FABP6: variants seen among roughly 807,000 people sequenced by gnomAD.
The protein encoded by FABP6 is gastrotropin.
In FABP6, 13 loss-of-function variants were observed where a neutral mutation model predicts 14.9. The observed-to-expected ratio is 0.87, with a 90% confidence interval of 0.57 to 1.39. The LOEUF (loss-of-function observed/expected upper bound fraction) is 1.39. Ranked by LOEUF, FABP6 falls within the 40% of genes most tolerant of loss-of-function variation. FABP6 has a pLI of 0.00. For missense variants in FABP6, 161 were observed against 167.2 expected (o/e 0.96, Z 0.20); for synonymous variants, 75 against 63.6 (o/e 1.18, Z -0.85).
upstream of FABP6, among the ~76,000 whole-genome samples, chr5:160,224,806 CT>C (rs1206335179): frequency 7.5e-6 from 1 of 134,100 alleles, no homozygotes; most frequent in Non-Finnish European, 1.6e-5. Context: ...TTGAGACAGT[CT>C]TACTCTGTCC....
At chr5:160,197,726 A>G (rs578154231) in intron 1 of FABP6, 2 of 152,300 alleles carry the variant, frequency 1.3e-5, no homozygotes, top group East Asian at 1.9e-4. Flanking sequence ...TCCCAGGAAG[A>G]CAAAGTGGCC....
Position 160,236,280 on chromosome 5 carries a change from T to A in FABP6, c.333+1371T>A, listed in dbSNP as rs193067763. On this transcript the variant is annotated intron_variant, in intron 3 of 3. Transcript: ENST00000402432. ...ATCTGCCCACCCTGGTCTCCCAAAGTGCTGGGATTACAGGTGTGAGCCACT... is the reference window on the plus strand; with the variant it reads ...ATCTGCCCACCCTGGTCTCCCAAAGAGCTGGGATTACAGGTGTGAGCCACT... Among the ~76,000 whole-genome samples the A allele has an allele frequency of 6.1e-4, 93 of 152,232 alleles. No homozygotes were observed. The Middle Eastern group carries it at 0.01, about 17-fold the overall frequency.
intron 1 of FABP6, among the ~76,000 whole-genome samples, chr5:160,230,642 G>A (rs747425732): frequency 5.3e-5 from 8 of 152,098 alleles, no homozygotes; most frequent in Non-Finnish European, 8.8e-5. Flanking sequence ...GATTACAGAC[G>A]TGAGCCACCG....
At chr5:160,227,538 A>AG (rs1760275504), upstream of FABP6, among the ~76,000 whole-genome samples, 1 of 150,142 alleles carries the variant, frequency 6.7e-6, no homozygotes, top group African/African-American at 2.5e-5. Context: ...AAAAAAAAAA[A>AG]AAAAAGGCAT....
chr5:160,227,468 G>A (rs1466093097), upstream of FABP6, among the ~76,000 whole-genome samples: 5 of 147,334 alleles, frequency 3.4e-5, no homozygotes, highest in East Asian at 2.0e-4. Flanking sequence ...GGAGGTTGCC[G>A]TGAGCCAAGA....
At chr5:160,228,438 T>A (rs772153225), upstream of FABP6, 2 of 456,184 alleles carry the variant, frequency 4.4e-6, no homozygotes, top group South Asian at 3.1e-5. Flanking sequence ...TGCAGAGTGT[T>A]TTATACTTTG....
At chr5:160,210,647 AC>A (rs781329659) in intron 2 of FABP6, among the ~76,000 whole-genome samples, 8 of 152,208 alleles carry the variant, frequency 5.3e-5, no homozygotes, top group African/African-American at 1.9e-4. Context: ...AGAGCAGTGC[AC>A]CCCAGGGAGA....
chr5:160,224,840 T>C (rs1399288208), upstream of FABP6, among the ~76,000 whole-genome samples: 1 of 151,534 alleles, frequency 6.6e-6, no homozygotes, highest in African/African-American at 2.4e-5. Flanking sequence ...TGCAGTGGCA[T>C]GATCTCGGCT....
upstream of FABP6, among the ~76,000 whole-genome samples, chr5:160,228,109 T>C (rs11746179): frequency 0.6 from 91,362 of 151,672 alleles, 27,736 homozygotes; most frequent in African/African-American, 0.67. Flanking sequence ...TAATAATAAT[T>C]GGCCGGGTGT....
chr5:160,209,099 A>T (rs1277574110), intron 2 of FABP6, among the ~76,000 whole-genome samples: 1 of 152,110 alleles, frequency 6.6e-6, no homozygotes, highest in Non-Finnish European at 1.5e-5. Flanking sequence ...TCTAAAAAAA[A>T]AAGAATTAGT....
At chr5:160,228,635 T>A (rs1760302790), upstream of FABP6, 34 of 434,382 alleles carry the variant, frequency 7.8e-5, no homozygotes, top group South Asian at 5.5e-4. Context: ...TCATCCAGCA[T>A]CCAGCCCAGT....
upstream of FABP6, among the ~76,000 whole-genome samples, chr5:160,229,187 C>T (rs4455597): frequency 0.92 from 139,686 of 152,210 alleles, 64,204 homozygotes; most frequent in East Asian, 1. Context: ...AGTGCTTTGG[C>T]TGCAGAGTTA....
chr5:160,225,429 T>C (rs1392850168), upstream of FABP6, among the ~76,000 whole-genome samples: 2 of 135,724 alleles, frequency 1.5e-5, no homozygotes, highest in African/African-American at 5.7e-5. Flanking sequence ...TGAGGCAGAG[T>C]CTCGCTCTGT....
At chr5:160,200,416 A>T (rs1173048360) in intron 2 of FABP6, among the ~76,000 whole-genome samples, 4 of 143,750 alleles carry the variant, frequency 2.8e-5, no homozygotes, top group Non-Finnish European at 6.0e-5. Context: ...TTTTTTTTCT[A>T]TTTTTTTTTT....
At chr5:160,204,873 G>C (rs1205172452) in intron 2 of FABP6, 1 of 152,174 alleles carries the variant, frequency 6.6e-6, no homozygotes, top group African/African-American at 2.4e-5. Flanking sequence ...AAGGTAGGAA[G>C]CCTCACCCTG....
chr5:160,196,158 C>T (rs577516701), intron 1 of FABP6, among the ~76,000 whole-genome samples: 2 of 152,350 alleles, frequency 1.3e-5, no homozygotes, highest in East Asian at 3.9e-4. Flanking sequence ...CACCAAGATG[C>T]CAGGTGGCTT....
At chr5:160,218,247 A>G (rs1422962393) in intron 3 of FABP6, among the ~76,000 whole-genome samples, 1 of 152,032 alleles carries the variant, frequency 6.6e-6, no homozygotes, top group Admixed American at 6.6e-5. Flanking sequence ...AACATTAGTA[A>G]CATCCCCTTC....
intron 2 of FABP6, among the ~76,000 whole-genome samples, chr5:160,234,449 CAG>C (rs1003144011): frequency 2.7e-5 from 3 of 110,444 alleles, no homozygotes; most frequent in Middle Eastern, 8.8e-3. Flanking sequence ...TTTTTTGAGA[CAG>C]AGTCTTGCTC....
At chr5:160,227,995 G>C (rs1268705977), upstream of FABP6, among the ~76,000 whole-genome samples, 1 of 152,032 alleles carries the variant, frequency 6.6e-6, no homozygotes, top group African/African-American at 2.4e-5. Context: ...CCAGGTCTGG[G>C]AGTCAGCAAC....
Sources: gnomAD v4.1 joint callset for allele counts (sites outside exome capture counted in the v4.1 genomes callset) on GRCh38, gnomAD v4.1.1 for gene constraint, MANE v1.5 for transcripts, NCBI Gene and HGNC (gene_info 2026-07-23, HGNC 2026-07-21) for gene names.